The following VWA8 variants were observed in gnomAD, a reference collection of about 807,000 sequenced individuals.
VWA8 encodes von Willebrand factor A domain-containing protein 8.
VWA8 carries 221 observed loss-of-function variants against 241.5 expected under a neutral mutation model. The observed-to-expected ratio is 0.91, with a 90% confidence interval of 0.82 to 1.02. VWA8 has a LOEUF of 1.02. Among genes scored for constraint, VWA8 ranks in the 50% least tolerant of loss-of-function variants. The pLI is 0.00. For synonymous variants in VWA8, 852 were observed against 827.1 expected (o/e 1.03, Z -0.52); for missense variants, 2,322 against 2,328.7 (o/e 1.00, Z 0.06).
chr13:41,911,592 A>G (rs1876002282), intron 3 of VWA8, among the ~76,000 whole-genome samples: 1 of 152,234 alleles, frequency 6.6e-6, no homozygotes, highest in Admixed American at 6.5e-5. Flanking sequence ...GATATATAAC[A>G]CAGAAGAGAT....
chr13:41,692,031 T>C, intron 30 of VWA8, 93 bp from the exon 31 acceptor site: 1 of 767,836 alleles, frequency 1.3e-6, no homozygotes, highest in African/African-American at 1.7e-5. Flanking sequence ...AATAAAGTTC[T>C]TCAACTAGTA....
chr13:41,754,785 T>G (rs2045682047), intron 21 of VWA8, among the ~76,000 whole-genome samples: 1 of 152,122 alleles, frequency 6.6e-6, no homozygotes, highest in South Asian at 2.1e-4. Flanking sequence ...TGACCACGCT[T>G]CTGCTCTCTT....
chr13:41,616,596 T>C (rs539659049), intron 37 of VWA8, among the ~76,000 whole-genome samples: 1 of 152,278 alleles, frequency 6.6e-6, no homozygotes, highest in Non-Finnish European at 1.5e-5. Context: ...AAAATACATA[T>C]ACTGGCTACA....
intron 41 of VWA8, among the ~76,000 whole-genome samples, chr13:41,589,428 G>T (rs902105249): frequency 7.0e-6 from 1 of 143,010 alleles, no homozygotes; most frequent in South Asian, 2.3e-4. Flanking sequence ...GACACACCAG[G>T]TGTCTTCAGT....
intron 12 of VWA8, among the ~76,000 whole-genome samples, chr13:41,851,081 C>A (rs573800020): frequency 2.0e-5 from 3 of 152,250 alleles, no homozygotes; most frequent in Admixed American, 2.0e-4. Context: ...GGTATTATCA[C>A]CTATAATCAT....
At chr13:41,932,685 C>T (rs1877179215) in intron 2 of VWA8, among the ~76,000 whole-genome samples, 3 of 151,408 alleles carry the variant, frequency 2.0e-5, no homozygotes, top group Admixed American at 2.0e-4. Context: ...TAATTCACCA[C>T]ATTAATAAAC....
intron 4 of VWA8, 106 bp downstream of exon 4, chr13:41,907,480 A>T: frequency 1.1e-6 from 1 of 933,148 alleles, no homozygotes; most frequent in East Asian, 2.5e-5. Context: ...AGAGCACAAT[A>T]CAACTACCTT....
intron 37 of VWA8, among the ~76,000 whole-genome samples, chr13:41,647,820 T>A (rs865857945): frequency 7.3e-4 from 111 of 152,126 alleles, no homozygotes; most frequent in African/African-American, 2.6e-3. Context: ...TGAAACCCTT[T>A]CTCTACTAAA....
intron 16 of VWA8, among the ~76,000 whole-genome samples, chr13:41,816,437 G>A (rs1331188000): frequency 6.6e-6 from 1 of 152,080 alleles, no homozygotes; most frequent in Non-Finnish European, 1.5e-5. Context: ...GAGACAGAGG[G>A]GACAGAGCAG....
intron 27 of VWA8, 92 bp downstream of exon 27, chr13:41,703,211 T>C (rs1019118076): frequency 1.9e-6 from 2 of 1,041,388 alleles, no homozygotes; most frequent in African/African-American, 3.2e-5. Flanking sequence ...TCCGAACAAA[T>C]CATTTCTGAG....
chr13:41,745,203 A>G (rs2045596032), intron 21 of VWA8, among the ~76,000 whole-genome samples: 1 of 151,940 alleles, frequency 6.6e-6, no homozygotes, highest in South Asian at 2.1e-4. Flanking sequence ...GGTTTGTTAC[A>G]TATGTACACA....
chr13:41,701,493 T>C lies in VWA8; in HGVS notation c.3263A>G (p.Glu1088Gly). 1 of 1,611,964 alleles carries C rather than the reference T, an allele frequency of 6.2e-7. No homozygotes were observed. Among genetic ancestry groups the C allele is most frequent in the Non-Finnish European group, 8.5e-7 (1 of 1,179,078 alleles). ...GTTTAGGGATCTTTCTTCATGTCTT[T>C]CTATTGGATACTCCTGTATATTTAT... is the stretch of plus-strand genomic sequence containing the variant. ...ALINIQEYPI[E>G]RHEERSLNFT... Residue 1088 changes from glutamate to glycine, a missense_variant, in exon 28 of 45, where the codon GAA (glutamate) becomes GGA (glycine). By Grantham distance (98) the Glu-to-Gly change is moderately conservative. Transcript: ENST00000379310.
At chr13:41,839,192 A>C (rs1398910036) in intron 12 of VWA8, among the ~76,000 whole-genome samples, 2 of 152,114 alleles carry the variant, frequency 1.3e-5, no homozygotes, top group Admixed American at 1.3e-4. Context: ...CACCATTCTA[A>C]CTGGCATGAG....
chr13:41,844,492 G>A (rs1244107526), intron 12 of VWA8, among the ~76,000 whole-genome samples: 1 of 152,084 alleles, frequency 6.6e-6, no homozygotes, highest in South Asian at 2.1e-4. Context: ...CCTAGCCAGA[G>A]CAATCAGGCA....
intron 37 of VWA8, among the ~76,000 whole-genome samples, chr13:41,622,058 G>A (rs2044660292): frequency 6.6e-6 from 1 of 152,064 alleles, no homozygotes; most frequent in Admixed American, 6.6e-5. Context: ...TAGAAGGAAG[G>A]CACTTAGCTT....
intron 4 of VWA8, among the ~76,000 whole-genome samples, chr13:41,892,703 C>G (rs929444263): frequency 6.6e-6 from 1 of 152,168 alleles, no homozygotes; most frequent in African/African-American, 2.4e-5. Flanking sequence ...GTCCCTTGTA[C>G]AAAACTGAAA....
At chr13:41,764,536 C>T (rs1052421696) in intron 20 of VWA8, among the ~76,000 whole-genome samples, 1 of 152,070 alleles carries the variant, frequency 6.6e-6, no homozygotes, top group South Asian at 2.1e-4. Flanking sequence ...ATCCAAGATG[C>T]TTGAAGATTT....
chr13:41,934,033 A>G (rs1593881038), intron 2 of VWA8, among the ~76,000 whole-genome samples: 1 of 151,748 alleles, frequency 6.6e-6, no homozygotes, highest in African/African-American at 2.4e-5. Flanking sequence ...ATAAAAAGAT[A>G]AGTCATAGAC....
chr13:41,882,345 T>C, intron 9 of VWA8, among the ~76,000 whole-genome samples: 2 of 140,538 alleles, frequency 1.4e-5, no homozygotes, highest in Non-Finnish European at 1.5e-5. Context: ...GAGGGGCTCC[T>C]CACGTCCCAG....
Sources: allele counts gnomAD v4.1 joint callset (sites outside exome capture counted in the v4.1 genomes callset), GRCh38; gene constraint gnomAD v4.1.1; transcripts MANE v1.5; gene names NCBI Gene and HGNC (gene_info 2026-07-23, HGNC 2026-07-21).